The following CHMP4C variants were observed in gnomAD, a reference collection of about 807,000 sequenced individuals.
CHMP4C encodes SNF7 homolog associated with Alix 3.
CHMP4C carries 28 observed loss-of-function variants against 29.0 expected under a neutral mutation model. The observed-to-expected ratio is 0.97, with a 90% confidence interval of 0.72 to 1.32. CHMP4C has a LOEUF of 1.32. CHMP4C is among the 40% of genes most tolerant of loss of function. The pLI, the probability that CHMP4C is intolerant of heterozygous loss-of-function variation, is 0.00. For missense variants in CHMP4C, 291 were observed against 281.0 expected (o/e 1.04, Z -0.25); for synonymous variants, 106 against 102.4 (o/e 1.04, Z -0.21).
intron 1 of CHMP4C, among the ~76,000 whole-genome samples, chr8:81,746,442 C>G (rs1235555131): frequency 6.6e-6 from 1 of 152,198 alleles, no homozygotes; most frequent in Admixed American, 6.5e-5. Context: ...AGTTCTTCCT[C>G]TTGACTCCCT....
chr8:81,755,523 C>CTCTT, intron 3 of CHMP4C, 39 bp downstream of exon 3: 2 of 1,220,352 alleles, frequency 1.6e-6, no homozygotes, highest in Non-Finnish European at 2.4e-6. Context: ...ATTGTGGCTG[C>CTCTT]TATAAAGAGT....
chr8:81,747,874 T>G (rs1297865967), intron 1 of CHMP4C, among the ~76,000 whole-genome samples: 1 of 152,122 alleles, frequency 6.6e-6, no homozygotes, highest in Non-Finnish European at 1.5e-5. Flanking sequence ...ACCATTGTCA[T>G]TGATAACATC....
chr8:81,744,176 A>G (rs1808795770), intron 1 of CHMP4C, among the ~76,000 whole-genome samples: 1 of 152,196 alleles, frequency 6.6e-6, no homozygotes, highest in Non-Finnish European at 1.5e-5. Context: ...CTCCAAAAAT[A>G]TGGAGGTTAC....
chr8:81,752,195 G>A (rs1166049739), intron 1 of CHMP4C, among the ~76,000 whole-genome samples: 2 of 152,128 alleles, frequency 1.3e-5, no homozygotes, highest in Non-Finnish European at 2.9e-5. Flanking sequence ...AACCATTTGA[G>A]TTCTTTTGCC....
intron 1 of CHMP4C, among the ~76,000 whole-genome samples, chr8:81,733,157 C>CCT (rs1808641498): frequency 6.6e-6 from 1 of 151,460 alleles, no homozygotes; most frequent in Admixed American, 6.6e-5. Flanking sequence ...TTTTCATTTG[C>CCT]CTCTAGCTCT....
chr8:81,758,798 C>A lies in CHMP4C; in HGVS notation c.*254C>A. The A allele has an allele frequency of 2.6e-6, 1 of 385,122 alleles. No homozygotes were observed. The highest frequency in any genetic ancestry group is 4.6e-6 in the Non-Finnish European group (1 of 215,326). 23.9% of individuals were successfully genotyped at this position (385,122 alleles called of 1,614,324 possible). A position where few individuals can be genotyped will look rare whatever the true frequency, so the allele number is the denominator to read the frequency against. ...GCTGAGGCAGTTGAGACCAGGAGTTCGAGTCCAGCCTGACCAACATGAAGA... is the reference window on the plus strand; with the variant it reads ...GCTGAGGCAGTTGAGACCAGGAGTTAGAGTCCAGCCTGACCAACATGAAGA... On this transcript the variant is annotated 3_prime_UTR_variant, in exon 5 of 5. Transcript: ENST00000297265.
chr8:81,743,252 A>G (rs1010830767), intron 1 of CHMP4C, among the ~76,000 whole-genome samples: 3 of 150,566 alleles, frequency 2.0e-5, no homozygotes, highest in Admixed American at 6.7e-5. Context: ...AAATATATAC[A>G]TAATATATTA....
intron 1 of CHMP4C, among the ~76,000 whole-genome samples, chr8:81,734,397 C>T (rs534608416): frequency 6.6e-6 from 1 of 152,308 alleles, no homozygotes; most frequent in South Asian, 2.1e-4. Flanking sequence ...ATGGCGCGAT[C>T]TTGGCTCACC....
intron 1 of CHMP4C, among the ~76,000 whole-genome samples, chr8:81,751,388 A>G (rs191686306): frequency 6.6e-6 from 1 of 152,114 alleles, no homozygotes; most frequent in East Asian, 1.9e-4. Flanking sequence ...AAAAAACTCT[A>G]TGAATCATCA....
intron 2 of CHMP4C, among the ~76,000 whole-genome samples, chr8:81,754,880 G>T (rs1184881868): frequency 1.3e-5 from 2 of 152,100 alleles, no homozygotes; most frequent in African/African-American, 4.8e-5. Flanking sequence ...CCCTTGGGGA[G>T]CCAGGATTTC....
chr8:81,734,146 A>G (rs1471258995), intron 1 of CHMP4C, among the ~76,000 whole-genome samples: 1 of 152,244 alleles, frequency 6.6e-6, no homozygotes, highest in African/African-American at 2.4e-5. Flanking sequence ...CAATTTCTAA[A>G]GAAAGACCAT....
At chr8:81,756,679 G>C (rs1808976799) in intron 3 of CHMP4C, among the ~76,000 whole-genome samples, 1 of 152,136 alleles carries the variant, frequency 6.6e-6, no homozygotes, top group African/African-American at 2.4e-5. Context: ...TGATGGAGGA[G>C]ATGATTACTC....
intron 1 of CHMP4C, among the ~76,000 whole-genome samples, chr8:81,734,828 C>A (rs769095710): frequency 1.3e-5 from 2 of 151,730 alleles, no homozygotes; most frequent in African/African-American, 4.8e-5. Flanking sequence ...AAAGACAGTG[C>A]TAATTAAGAC....
At chr8:81,757,117 A>G (rs1808982416) in intron 3 of CHMP4C, among the ~76,000 whole-genome samples, 1 of 152,098 alleles carries the variant, frequency 6.6e-6, no homozygotes, top group South Asian at 2.1e-4. Flanking sequence ...TCACTTTAAT[A>G]TTGGATAATT....
chr8:81,741,128 A>G (rs1332274888), intron 1 of CHMP4C, among the ~76,000 whole-genome samples: 4 of 152,074 alleles, frequency 2.6e-5, no homozygotes, highest in Admixed American at 6.6e-5. Flanking sequence ...TAGAAGAGCA[A>G]TTGCTACTGT....
intron 1 of CHMP4C, among the ~76,000 whole-genome samples, chr8:81,748,771 C>T (rs1339974792): frequency 2.0e-5 from 3 of 151,820 alleles, no homozygotes; most frequent in Admixed American, 2.0e-4. Flanking sequence ...AATAAAAATA[C>T]AAAAAATTAG....
intron 1 of CHMP4C, among the ~76,000 whole-genome samples, chr8:81,744,952 C>T (rs1307317662): frequency 6.6e-6 from 1 of 152,136 alleles, no homozygotes; most frequent in African/African-American, 2.4e-5. Flanking sequence ...TGGCCAAATG[C>T]GTGTTAAAAT....
At chr8:81,757,713 T>C (rs531669800) in intron 3 of CHMP4C, among the ~76,000 whole-genome samples, 328 of 152,378 alleles carry the variant, frequency 2.2e-3, no homozygotes, top group African/African-American at 7.5e-3. Context: ...TTTTACTTTC[T>C]GTACGTTATG....
chr8:81,732,484 A>G lies in CHMP4C; in HGVS notation c.-143A>G. 1 of 613,866 alleles carries G rather than the reference A, an allele frequency of 1.6e-6. No individual in the cohort carries two copies. Among genetic ancestry groups the G allele is most frequent in the Non-Finnish European group, 2.9e-6 (1 of 346,620 alleles). The allele number at this position is 613,866 out of a possible 1,614,324, so 38.0% of individuals were successfully genotyped here. ...GCCCTGGAGTGTGTGTCACCTGTCC[A>G]GGACGACTTGTTGATTCCCAGGAGG... is the stretch of plus-strand genomic sequence containing the variant. On this transcript the variant is annotated 5_prime_UTR_variant, in exon 1 of 5. Coordinates refer to ENST00000297265, the MANE Select transcript of CHMP4C (RefSeq NM_152284.4).
Sources: gnomAD v4.1 joint callset for allele counts (sites outside exome capture counted in the v4.1 genomes callset) on GRCh38, gnomAD v4.1.1 for gene constraint, MANE v1.5 for transcripts, NCBI Gene and HGNC (gene_info 2026-07-23, HGNC 2026-07-21) for gene names.